The following VAV3 variants were observed in gnomAD, a reference collection of about 807,000 sequenced individuals.
The protein encoded by VAV3 is vav guanine nucleotide exchange factor 3.
In VAV3, 94 loss-of-function variants were observed where a neutral mutation model predicts 131.2. That is an observed-to-expected ratio of 0.72 (90% CI 0.61 to 0.85). VAV3 has a LOEUF of 0.85. VAV3 is among the 40% of genes least tolerant of loss of function. VAV3 has a pLI of 0.00. For missense variants in VAV3, 939 were observed against 1,002.7 expected (o/e 0.94, Z 0.86); for synonymous variants, 349 against 342.0 (o/e 1.02, Z -0.22).
chr1:107,777,686 C>T, intron 3 of VAV3: 1 of 191,508 alleles, frequency 5.2e-6, no homozygotes, highest in East Asian at 1.5e-4. Context: ...CTTCAGCACC[C>T]TCTCTTTTCA....
chr1:107,665,083 C>A (rs1162433140), intron 19 of VAV3, among the ~76,000 whole-genome samples: 1 of 152,124 alleles, frequency 6.6e-6, no homozygotes, highest in East Asian at 1.9e-4. Flanking sequence ...GTAGGAGAGG[C>A]CATGCTGTCT....
chr1:107,699,372 G>A (rs1216611255), intron 17 of VAV3, among the ~76,000 whole-genome samples: 104 of 152,242 alleles, frequency 6.8e-4, no homozygotes, highest in Non-Finnish European at 8.8e-5. Flanking sequence ...CGATGCAAGA[G>A]GTAGGCACCC....
At chr1:107,794,029 G>A (rs754074317) in intron 2 of VAV3, among the ~76,000 whole-genome samples, 1 of 152,250 alleles carries the variant, frequency 6.6e-6, no homozygotes, top group South Asian at 2.1e-4. Context: ...CGCAGAAGGC[G>A]CTTCACAGGG....
Position 107,862,013 on chromosome 1 carries a change from T to C in VAV3, c.321+12888A>G, listed in dbSNP as rs185351167. Among the ~76,000 whole-genome samples the C allele has an allele frequency of 1.9e-3, 294 of 151,850 alleles. 12 individuals carry two copies. Among genetic ancestry groups the C allele is most frequent in the Non-Finnish European group, 3.4e-3 (228 of 67,872 alleles). On this transcript the variant is annotated intron_variant, in intron 2 of 26. Coordinates refer to ENST00000370056, the MANE Select transcript of VAV3 (RefSeq NM_006113.5). Reference sequence around the variant, plus strand: ...ACGCACTGGCCTGTCCTGACACCACTGGTCCTCAGACACTATGTTGATTTA... The same window carrying C: ...ACGCACTGGCCTGTCCTGACACCACCGGTCCTCAGACACTATGTTGATTTA...
chr1:107,759,460 T>C (rs1557827110), intron 10 of VAV3, among the ~76,000 whole-genome samples: 3 of 152,182 alleles, frequency 2.0e-5, no homozygotes, highest in Non-Finnish European at 4.4e-5. Flanking sequence ...CACTAAAGTA[T>C]AGTAGTAAGT....
chr1:107,602,456 T>C lies in VAV3; in HGVS notation c.2161A>G (p.Ile721Val), dbSNP rs751504688. 5.1e-6 allele frequency: 8 copies of C among 1,575,430 alleles called. No homozygotes were observed. The African/African-American group carries it at 1.1e-4, about 22-fold the overall frequency. ...TGAAAAAAGCCATCTCTTGTTAAAA[T>C]CTTGATGTGCTTTGCTTCATTATTG... ...KYNNEAKHIK[I>V]LTRDGFFHIA... is the part of the protein sequence containing the mutation. Residue 721 changes from isoleucine (I) to valine (V), a missense_variant, in exon 24 of 27, where the codon ATT (isoleucine) becomes GTT (valine). Transcript: ENST00000370056.
At chr1:107,649,793 A>C (rs1656022012) in intron 19 of VAV3, among the ~76,000 whole-genome samples, 1 of 152,148 alleles carries the variant, frequency 6.6e-6, no homozygotes, top group African/African-American at 2.4e-5. Flanking sequence ...TTTACAGATC[A>C]TTCATGCATT....
intron 15 of VAV3, among the ~76,000 whole-genome samples, chr1:107,711,704 A>G (rs1228879338): frequency 1.3e-5 from 2 of 152,178 alleles, no homozygotes; most frequent in Non-Finnish European, 2.9e-5. Context: ...ATAAATTCGT[A>G]AGTAGTCTTT....
chr1:107,782,489 C>T (rs1665746828), intron 2 of VAV3, among the ~76,000 whole-genome samples: 1 of 152,152 alleles, frequency 6.6e-6, no homozygotes, highest in Non-Finnish European at 1.5e-5. Flanking sequence ...GAGACCAACT[C>T]CTATTTTCTG....
At chr1:107,949,657 T>C (rs2101328735) in intron 1 of VAV3, among the ~76,000 whole-genome samples, 2 of 152,278 alleles carry the variant, frequency 1.3e-5, no homozygotes, top group Middle Eastern at 6.8e-3. Flanking sequence ...CATTCTGAGC[T>C]CCAGAGCTCT....
chr1:107,738,094 C>T (rs1468324412), intron 15 of VAV3, among the ~76,000 whole-genome samples: 4 of 152,164 alleles, frequency 2.6e-5, no homozygotes, highest in Non-Finnish European at 4.4e-5. Flanking sequence ...TCTGAGCAAA[C>T]TATTGCAAGG....
chr1:107,730,357 G>A (rs1341677783), intron 15 of VAV3, among the ~76,000 whole-genome samples: 2 of 152,084 alleles, frequency 1.3e-5, no homozygotes, highest in African/African-American at 2.4e-5. Context: ...AATTGGCCAG[G>A]GCTTAGCCTC....
intron 20 of VAV3, among the ~76,000 whole-genome samples, chr1:107,639,021 G>T (rs1655142226): frequency 6.6e-6 from 1 of 151,082 alleles, no homozygotes; most frequent in African/African-American, 2.4e-5. Flanking sequence ...TACACATAAA[G>T]ATATATATAC....
At chr1:107,780,198 T>C (rs1665616716) in intron 2 of VAV3, among the ~76,000 whole-genome samples, 1 of 152,210 alleles carries the variant, frequency 6.6e-6, no homozygotes, top group Non-Finnish European at 1.5e-5. Flanking sequence ...GTTAGATTAT[T>C]AACAATCATT....
At chr1:107,769,845 G>A (rs954769424) in intron 6 of VAV3, among the ~76,000 whole-genome samples, 15 of 151,858 alleles carry the variant, frequency 9.9e-5, no homozygotes, top group African/African-American at 1.7e-4. Context: ...CATCCAATCC[G>A]GTTGGTTCTA....
At chr1:107,911,557 GATAA>G (rs1167831655) in intron 1 of VAV3, among the ~76,000 whole-genome samples, 1 of 152,128 alleles carries the variant, frequency 6.6e-6, no homozygotes. Context: ...AATTAAGACA[GATAA>G]ATAAAACATA....
chr1:107,819,198 A>G (rs968927527), intron 2 of VAV3, among the ~76,000 whole-genome samples: 2 of 152,198 alleles, frequency 1.3e-5, no homozygotes, highest in South Asian at 2.1e-4. Flanking sequence ...AATTATATCA[A>G]TATCAACCTC....
intron 2 of VAV3, among the ~76,000 whole-genome samples, chr1:107,868,339 C>T (rs562950611): frequency 7.9e-5 from 12 of 152,232 alleles, no homozygotes; most frequent in Admixed American, 3.9e-4. Context: ...TGTTGATTAA[C>T]GTGTATGCAC....
chr1:107,951,387 T>C (rs774567945), intron 1 of VAV3, among the ~76,000 whole-genome samples: 1 of 152,114 alleles, frequency 6.6e-6, no homozygotes, highest in Non-Finnish European at 1.5e-5. Flanking sequence ...CCCCTAAAAG[T>C]GGGAACTTCA....
Sources: gnomAD v4.1 joint callset for allele counts (sites outside exome capture counted in the v4.1 genomes callset) on GRCh38, gnomAD v4.1.1 for gene constraint, MANE v1.5 for transcripts, NCBI Gene and HGNC (gene_info 2026-07-23, HGNC 2026-07-21) for gene names.